Variants in ELAVL2 observed in about 807,000 individuals in gnomAD.
ELAVL2 encodes the protein ELAV like RNA binding protein 2.
In ELAVL2, 4 loss-of-function variants were observed where a neutral mutation model predicts 34.6. The observed-to-expected ratio is 0.12, with a 90% CI of 0.06 to 0.26. ELAVL2 has a LOEUF of 0.26. Ranked by LOEUF, ELAVL2 falls within the 10% of genes least tolerant of loss-of-function variation. The pLI, the probability that ELAVL2 is intolerant of heterozygous loss-of-function variation, is 1.00. For missense variants in ELAVL2, 432 were observed against 442.8 expected (o/e 0.98, Z 0.22); for synonymous variants, 193 against 154.8 (o/e 1.25, Z -1.83).
At chr9:23,837,047 A>T in the ELAVL2 span, among the ~76,000 whole-genome samples, 2 of 152,232 alleles carry the variant, frequency 1.3e-5, no homozygotes, top group Non-Finnish European at 2.9e-5. Context: ...TATGAGGACA[A>T]GACTGACAGG....
At chr9:23,702,321 C>T (rs970163740) in intron 4 of ELAVL2, among the ~76,000 whole-genome samples, 2 of 152,120 alleles carry the variant, frequency 1.3e-5, no homozygotes, top group South Asian at 4.1e-4. Context: ...TCAAAGCTTT[C>T]TGACCTCAGC....
chr9:23,755,541 A>C (rs2053344060), intron 2 of ELAVL2, among the ~76,000 whole-genome samples: 1 of 152,216 alleles, frequency 6.6e-6, no homozygotes, highest in South Asian at 2.1e-4. Context: ...GATATAAATA[A>C]AGTTTCTCCA....
At chr9:23,822,661 T>G (rs1428088394) in intron 1 of ELAVL2, among the ~76,000 whole-genome samples, 2 of 152,212 alleles carry the variant, frequency 1.3e-5, no homozygotes, top group African/African-American at 2.4e-5. Flanking sequence ...GCTCGGCCGC[T>G]TAATTACGAG....
chr9:23,802,115 G>A (rs925107243), intron 1 of ELAVL2, among the ~76,000 whole-genome samples: 2 of 152,132 alleles, frequency 1.3e-5, no homozygotes, highest in African/African-American at 4.8e-5. Flanking sequence ...ATGTCTACTT[G>A]AGCAACAAAC....
intron 3 of ELAVL2, among the ~76,000 whole-genome samples, chr9:23,726,240 C>G (rs879818393): frequency 2.0e-5 from 3 of 151,986 alleles, no homozygotes; most frequent in Admixed American, 6.6e-5. Flanking sequence ...ATAGATAATA[C>G]TATTTATAAT....
chr9:23,755,803 T>TAA (rs1444028904), intron 2 of ELAVL2, among the ~76,000 whole-genome samples: 2 of 152,140 alleles, frequency 1.3e-5, no homozygotes, highest in African/African-American at 4.8e-5. Flanking sequence ...AGTGAGGTGT[T>TAA]TATTAAGTTA....
chr9:23,768,962 C>G (rs1420210644), intron 1 of ELAVL2, among the ~76,000 whole-genome samples: 2 of 152,104 alleles, frequency 1.3e-5, no homozygotes, highest in East Asian at 1.9e-4. Flanking sequence ...TGGCTAGAGG[C>G]AAAGACAAGC....
At chr9:23,844,676 C>A in the ELAVL2 span, among the ~76,000 whole-genome samples, 1 of 151,778 alleles carries the variant, frequency 6.6e-6, no homozygotes, top group Non-Finnish European at 1.5e-5. Flanking sequence ...ATGGTAATGA[C>A]CTCAGGTTTC....
rs570272107 is a variant in ELAVL2 at position 23,694,714 on chromosome 9, G to C, written c.714-1228C>G. Among the ~76,000 whole-genome samples, 4 of 152,256 alleles carry C rather than the reference G, an allele frequency of 2.6e-5. No homozygotes were observed. In the East Asian group the frequency reaches 7.7e-4, roughly 29 times the overall value. On this transcript the variant is annotated intron_variant, in intron 5 of 6. Coordinates refer to ENST00000397312, the MANE Select transcript of ELAVL2 (RefSeq NM_004432.5). Reference sequence around the variant, plus strand: ...ACATCTCATCTGGTCTTTCAGAATGGGGAAATATATAGCCTCCCACATCCC... The same window carrying C: ...ACATCTCATCTGGTCTTTCAGAATGCGGAAATATATAGCCTCCCACATCCC...
the ELAVL2 span, among the ~76,000 whole-genome samples, chr9:23,834,383 C>G: frequency 6.6e-6 from 1 of 151,912 alleles, no homozygotes; most frequent in African/African-American, 2.4e-5. Context: ...ACTTCAGACA[C>G]ATGGATTTGA....
At chr9:23,718,035 C>T (rs1463286440) in intron 3 of ELAVL2, among the ~76,000 whole-genome samples, 2 of 152,170 alleles carry the variant, frequency 1.3e-5, no homozygotes, top group African/African-American at 2.4e-5. Context: ...TCTTTTAAAG[C>T]TACTGACCTT....
chr9:23,757,445 C>T (rs1564308856), intron 2 of ELAVL2, among the ~76,000 whole-genome samples: 1 of 152,028 alleles, frequency 6.6e-6, no homozygotes, highest in Non-Finnish European at 1.5e-5. Context: ...TTTCACAAAC[C>T]TGGGCCTCTC....
the ELAVL2 span, among the ~76,000 whole-genome samples, chr9:23,835,718 G>A: frequency 6.6e-6 from 1 of 152,112 alleles, no homozygotes; most frequent in Non-Finnish European, 1.5e-5. Context: ...ACATTGCTAT[G>A]AATTCATATA....
chr9:23,701,662 G>C (rs1169779290), intron 4 of ELAVL2, 58 bp from the exon 5 acceptor site: 2 of 1,544,454 alleles, frequency 1.3e-6, no homozygotes, highest in Non-Finnish European at 1.8e-6. Flanking sequence ...AAGGGAAGGA[G>C]AGAAGAAAGG....
intron 1 of ELAVL2, among the ~76,000 whole-genome samples, chr9:23,777,544 A>C (rs535440338): frequency 6.6e-6 from 1 of 152,306 alleles, no homozygotes; most frequent in Non-Finnish European, 1.5e-5. Flanking sequence ...TTCACAACAA[A>C]GATCTGGAGA....
chr9:23,724,590 A>T (rs144149044), intron 3 of ELAVL2, among the ~76,000 whole-genome samples: 3 of 152,228 alleles, frequency 2.0e-5, no homozygotes, highest in African/African-American at 7.2e-5. Flanking sequence ...CATTATACAA[A>T]TAACAATAAA....
At chr9:23,696,967 T>A (rs2035484434) in intron 5 of ELAVL2, among the ~76,000 whole-genome samples, 1 of 151,942 alleles carries the variant, frequency 6.6e-6, no homozygotes, top group Non-Finnish European at 1.5e-5. Context: ...ATTTTTTACT[T>A]ATATTTAATA....
At chr9:23,822,695 TC>T (rs768797020) in intron 1 of ELAVL2, among the ~76,000 whole-genome samples, 1 of 152,252 alleles carries the variant, frequency 6.6e-6, no homozygotes, top group African/African-American at 2.4e-5. Context: ...GGGATTTTTT[TC>T]ATTGCAAAGG....
At position 23,762,136 on chromosome 9, in the gene ELAVL2, G is replaced by A; in HGVS notation, c.99C>T (p.Asn33=). The A allele has an allele frequency of 6.2e-7, 1 of 1,613,594 alleles. No homozygotes were observed. Among genetic ancestry groups the A allele is most frequent in the African/African-American group, 1.3e-5 (1 of 74,980 alleles). ...TTAAGTTGGTCTTGCTGTCTTCTGT[G>A]TTCCCAGAGTCAACTGGTGACGAAC... ...NNCSSPVDSG[N]TEDSKTNLIV... is the part of the protein sequence containing the mutation. The change falls in exon 2 of 7, where the codon AAC becomes AAT. Residue 33 remains asparagine (N), a synonymous_variant. Transcript: ENST00000397312.
Sources: allele counts gnomAD v4.1 joint callset (sites outside exome capture counted in the v4.1 genomes callset), GRCh38; gene constraint gnomAD v4.1.1; transcripts MANE v1.5; gene names NCBI Gene and HGNC (gene_info 2026-07-23, HGNC 2026-07-21).